Variants in SORCS3 observed in about 807,000 individuals in gnomAD.
SORCS3 encodes the protein sortilin related VPS10 domain containing receptor 3, also known as VPS10 domain-containing receptor SorCS3.
SORCS3 carries 57 observed loss-of-function variants against 146.3 expected under a neutral mutation model. The ratio of observed to expected loss-of-function variants is 0.39; its 90% CI spans 0.31 to 0.49. SORCS3 has a LOEUF of 0.49. Ranked by LOEUF, SORCS3 falls within the 20% of genes least tolerant of loss-of-function variation. The probability of loss-of-function intolerance (pLI) is 0.92; values close to 1 mark genes in which losing one functional copy is unlikely to be tolerated. For missense variants in SORCS3, 1,341 were observed against 1,575.5 expected (o/e 0.85, Z 2.52); for synonymous variants, 653 against 618.5 (o/e 1.06, Z -0.83).
intron 3 of SORCS3, among the ~76,000 whole-genome samples, chr10:104,956,105 C>A (rs193057884): frequency 6.6e-6 from 1 of 152,002 alleles, no homozygotes; most frequent in Non-Finnish European, 1.5e-5. Context: ...ACAATGGTAA[C>A]GTGGGATATT....
intron 16 of SORCS3, among the ~76,000 whole-genome samples, chr10:105,207,062 G>T (rs530063543): frequency 1.3e-5 from 2 of 152,170 alleles, no homozygotes; most frequent in South Asian, 4.2e-4. Context: ...GGGGACTAGG[G>T]CCCTCCTTAA....
At chr10:104,756,932 G>C (rs1468710205) in intron 1 of SORCS3, among the ~76,000 whole-genome samples, 1 of 152,144 alleles carries the variant, frequency 6.6e-6, no homozygotes, top group Non-Finnish European at 1.5e-5. Context: ...CCTGCTTTCA[G>C]GACCACTGGA....
At chr10:104,887,584 G>A (rs889797472) in intron 2 of SORCS3, among the ~76,000 whole-genome samples, 2 of 152,082 alleles carry the variant, frequency 1.3e-5, no homozygotes, top group African/African-American at 4.8e-5. Flanking sequence ...AGGAAAGGGT[G>A]GAATTGTCAC....
At chr10:104,684,611 A>T (rs1436084683) in intron 1 of SORCS3, among the ~76,000 whole-genome samples, 3 of 151,468 alleles carry the variant, frequency 2.0e-5, no homozygotes, top group Middle Eastern at 3.4e-3. Flanking sequence ...ACCACTGGCC[A>T]CTCGTGGGAT....
At chr10:104,656,879 T>C (rs1313929011) in intron 1 of SORCS3, among the ~76,000 whole-genome samples, 11 of 152,212 alleles carry the variant, frequency 7.2e-5, no homozygotes. Context: ...AGGAGTCCAC[T>C]GAAGAAATAT....
rs576312078 is a variant in SORCS3, at chr10:104,849,182, G to A, written c.695+6323G>A. 1.1e-4 allele frequency among the ~76,000 whole-genome samples: 17 copies of A among 152,168 alleles called. No homozygotes were observed. The South Asian group carries it at 2.7e-3, about 24-fold the overall frequency. On this transcript the variant is annotated intron_variant, in intron 2 of 26. Transcript: ENST00000369701. ...TCCCAGCACTTTGGGAGGCTCAGGC[G>A]GGTGGATTACCTGAGGTCAGGGGTT...
chr10:105,259,687 T>C (rs1047305832), intron 25 of SORCS3, among the ~76,000 whole-genome samples: 1 of 152,220 alleles, frequency 6.6e-6, no homozygotes, highest in African/African-American at 2.4e-5. Flanking sequence ...GCTTTTTCTC[T>C]ATCCAGGAAA....
intron 2 of SORCS3, among the ~76,000 whole-genome samples, chr10:104,872,570 T>TTA (rs2133568940): frequency 1.3e-5 from 2 of 151,562 alleles, no homozygotes; most frequent in South Asian, 4.2e-4. Flanking sequence ...ATTTTGATTT[T>TTA]TTTTTTTTTT....
intron 6 of SORCS3, among the ~76,000 whole-genome samples, chr10:105,105,105 A>G (rs1161098643): frequency 2.6e-5 from 4 of 152,158 alleles, no homozygotes; most frequent in Non-Finnish European, 5.9e-5. Flanking sequence ...GATGTAAGAT[A>G]TGTACCTTTA....
chr10:104,793,728 G>T (rs893569937), intron 1 of SORCS3, among the ~76,000 whole-genome samples: 20 of 152,256 alleles, frequency 1.3e-4, no homozygotes, highest in Admixed American at 5.9e-4. Flanking sequence ...CAAGCTGAAA[G>T]GAAGAAGAAT....
intron 23 of SORCS3, among the ~76,000 whole-genome samples, chr10:105,254,116 G>GA (rs1245614220): frequency 6.6e-6 from 1 of 152,202 alleles, no homozygotes; most frequent in African/African-American, 2.4e-5. Context: ...ACTTGCTAGG[G>GA]AAAAGTAAAG....
chr10:105,211,060 T>C (rs1430437303), intron 16 of SORCS3, 77 bp from the exon 17 acceptor site: 1 of 917,148 alleles, frequency 1.1e-6, no homozygotes, highest in African/African-American at 1.6e-5. Context: ...TAGGGACATG[T>C]ATATGTTTGT....
intron 14 of SORCS3, among the ~76,000 whole-genome samples, chr10:105,181,006 C>G (rs1008575919): frequency 6.6e-6 from 1 of 152,158 alleles, no homozygotes; most frequent in Non-Finnish European, 1.5e-5. Flanking sequence ...ACCCTTAAGA[C>G]AGACATGTGG....
At position 104,725,097 on chromosome 10, in the gene SORCS3, CT is replaced by C. The variant is rs551260287; in HGVS notation, c.627+83146del. On this transcript the variant is annotated intron_variant, in intron 1 of 26. Coordinates refer to ENST00000369701, the MANE Select transcript of SORCS3 (RefSeq NM_014978.3). Reference sequence around the variant, plus strand: ...TTTTTCTGCTCTGTTTTTTCCCCATCTTTGTGGTTTTATCTACCTTTGGTGT... The same window carrying C: ...TTTTTCTGCTCTGTTTTTTCCCCATCTTGTGGTTTTATCTACCTTTGGTGT... Among the ~76,000 whole-genome samples the C allele has an allele frequency of 2.0e-3, 308 of 152,252 alleles. 1 individual carries two copies. The highest frequency in any genetic ancestry group is 0.014 in the Middle Eastern group (4 of 294).
chr10:104,923,226 T>A (rs1448531453), intron 3 of SORCS3, among the ~76,000 whole-genome samples: 4 of 152,330 alleles, frequency 2.6e-5, no homozygotes, highest in South Asian at 2.1e-4. Flanking sequence ...TGCAGTACCA[T>A]GTGATGATCC....
chr10:104,980,632 G>A (rs1369123536), intron 4 of SORCS3, among the ~76,000 whole-genome samples: 1 of 152,208 alleles, frequency 6.6e-6, no homozygotes, highest in Non-Finnish European at 1.5e-5. Context: ...GATGTTTGTG[G>A]TGAGGAGTGA....
At chr10:104,853,594 A>T (rs901321008) in intron 2 of SORCS3, among the ~76,000 whole-genome samples, 4 of 152,208 alleles carry the variant, frequency 2.6e-5, no homozygotes, top group Admixed American at 6.5e-5. Flanking sequence ...TTGAGGTTTA[A>T]ATTCCTGGAA....
chr10:105,114,257 A>G (rs945640010), intron 7 of SORCS3, among the ~76,000 whole-genome samples: 1 of 152,118 alleles, frequency 6.6e-6, no homozygotes, highest in African/African-American at 2.4e-5. Flanking sequence ...TTCATAAAAG[A>G]GGTATAATAC....
intron 4 of SORCS3, among the ~76,000 whole-genome samples, chr10:105,031,608 G>A (rs535878369): frequency 5.1e-4 from 77 of 152,218 alleles, no homozygotes; most frequent in Non-Finnish European, 8.8e-4. Context: ...ACTTGCTGCC[G>A]TGTGAGGCAG....
Sources: allele counts gnomAD v4.1 joint callset (sites outside exome capture counted in the v4.1 genomes callset), GRCh38; gene constraint gnomAD v4.1.1; transcripts MANE v1.5; gene names NCBI Gene and HGNC (gene_info 2026-07-23, HGNC 2026-07-21).